The following ZNF782 variants were observed in gnomAD, a reference collection of about 807,000 sequenced individuals.
ZNF782 encodes the protein zinc finger protein 782.
ZNF782 carries 12 observed loss-of-function variants against 13.0 expected under a neutral mutation model. That is an observed-to-expected ratio of 0.92 (90% confidence interval 0.59 to 1.50). ZNF782 has a LOEUF of 1.50. Among genes scored for constraint, ZNF782 ranks in the 40% most tolerant of loss-of-function variants. The probability of loss-of-function intolerance (pLI) is 0.00; values close to 1 mark genes in which losing one functional copy is unlikely to be tolerated. For missense variants in ZNF782, 770 were observed against 822.9 expected (o/e 0.94, Z 0.79); for synonymous variants, 284 against 283.0 (o/e 1.00, Z -0.04).
chr9:96,917,694 T>C, the ZNF782 span, among the ~76,000 whole-genome samples: 644 of 151,526 alleles, frequency 4.3e-3, 7 homozygotes, highest in South Asian at 7.1e-3. Flanking sequence ...CCTCCCAAAG[T>C]GCTGGGATCA....
chr9:96,893,238 G>C, the ZNF782 span: 1 of 152,102 alleles, frequency 6.6e-6, no homozygotes, highest in East Asian at 1.9e-4. Context: ...TCTTTACTGG[G>C]GGATGGGCAG....
At chr9:96,880,380 G>A (rs1237153229), upstream of ZNF782, among the ~76,000 whole-genome samples, 1 of 152,188 alleles carries the variant, frequency 6.6e-6, no homozygotes, top group African/African-American at 2.4e-5. Context: ...GAAAAGCATT[G>A]AGACTTTAGC....
chr9:96,845,095 G>T (rs1851309195), intron 3 of ZNF782, 79 bp from the exon 4 acceptor site: 2 of 1,552,396 alleles, frequency 1.3e-6, no homozygotes, highest in African/African-American at 2.7e-5. Flanking sequence ...AACTCATTAT[G>T]TTTACTGTTG....
chr9:96,848,969 G>C (rs950072977), intron 3 of ZNF782, among the ~76,000 whole-genome samples: 1 of 152,072 alleles, frequency 6.6e-6, no homozygotes, highest in African/African-American at 2.4e-5. Context: ...CTGGTATAAA[G>C]GCAGGCACAC....
In ZNF782 at chr9:96,816,426, TAAAC is replaced by T. The variant is rs1287166465; in HGVS notation, c.*1493_*1496del. The T allele has an allele frequency of 6.6e-6, 1 of 152,222 alleles. No individual in the cohort carries two copies. Among genetic ancestry groups the T allele is most frequent in the Non-Finnish European group, 1.5e-5 (1 of 68,032 alleles). The allele number at this position is 152,222 out of a possible 1,614,324, so 9.4% of individuals were successfully genotyped here. ...TAAGTACCATGCATATATACATACA[TAAAC>T]AATCAATAACTCACAAAACATTCAC... On this transcript the variant is annotated 3_prime_UTR_variant, in exon 6 of 6. Transcript: ENST00000481138.
chr9:96,897,121 G>A, the ZNF782 span, among the ~76,000 whole-genome samples: 1 of 152,170 alleles, frequency 6.6e-6, no homozygotes, highest in East Asian at 1.9e-4. Context: ...CCTCTGTGTG[G>A]AGCCTGGGCC....
chr9:96,865,991 G>A (rs1851749690), intron 1 of ZNF782, among the ~76,000 whole-genome samples: 1 of 152,164 alleles, frequency 6.6e-6, no homozygotes, highest in African/African-American at 2.4e-5. Context: ...CTTGGGTGTT[G>A]CTAAAGGCAT....
chr9:96,884,545 C>T, the ZNF782 span, among the ~76,000 whole-genome samples: 1 of 152,176 alleles, frequency 6.6e-6, no homozygotes, highest in Non-Finnish European at 1.5e-5. Context: ...TCCACCTTTC[C>T]TACCTTCCCT....
the ZNF782 span, chr9:96,931,801 A>G: frequency 6.8e-6 from 11 of 1,611,078 alleles, no homozygotes; most frequent in East Asian, 2.5e-4. Context: ...CCTTTGCCAC[A>G]CCCTCTCCCG....
chr9:96,843,816 C>A (rs1851260422), intron 4 of ZNF782, among the ~76,000 whole-genome samples: 3 of 151,882 alleles, frequency 2.0e-5, no homozygotes, highest in Admixed American at 6.6e-5. Flanking sequence ...TGCAAAAAAT[C>A]AAAAACTGAA....
chr9:96,833,769 A>G (rs1850887311), intron 4 of ZNF782, among the ~76,000 whole-genome samples: 1 of 152,190 alleles, frequency 6.6e-6, no homozygotes, highest in Non-Finnish European at 1.5e-5. Context: ...GTAACTACAT[A>G]AATTATTAGG....
chr9:96,909,676 C>T, the ZNF782 span, among the ~76,000 whole-genome samples: 1 of 151,922 alleles, frequency 6.6e-6, no homozygotes, highest in Non-Finnish European at 1.5e-5. Flanking sequence ...AAAGTTTATA[C>T]TGACTAAATA....
chr9:96,819,466 G>A lies in ZNF782; in HGVS notation c.557C>T (p.Ser186Phe). The A allele has an allele frequency of 6.2e-7, 1 of 1,613,992 alleles. No individual in the cohort carries two copies. The highest frequency in any genetic ancestry group is 8.5e-7 in the Non-Finnish European group (1 of 1,180,004). The change falls in exon 6 of 6, where the codon TCT becomes TTT. Residue 186 changes from serine to phenylalanine, a missense_variant. Physicochemically the swap from Ser to Phe is radical, Grantham distance 155. Coordinates refer to ENST00000481138, the MANE Select transcript of ZNF782 (RefSeq NM_001001662.3). ...TTTCACAATTTTACTATAAGCGAAA[G>A]ATTTCTCTTGAGTGTTAGTTCTGCC... ...KDGRTNTQEKSFAYSKIVKTL... is the reference protein window; with the variant it reads ...KDGRTNTQEKFFAYSKIVKTL...
In ZNF782 at chr9:96,818,269, G is replaced by C. The variant is rs1349760502; in HGVS notation, c.1754C>G (p.Thr585Ser). Residue 585 changes from threonine (T) to serine (S), a missense_variant, in exon 6 of 6, where the codon ACT (threonine) becomes AGT (serine). Coordinates refer to ENST00000481138, the MANE Select transcript of ZNF782 (RefSeq NM_001001662.3). The part of the protein sequence containing the change: ...SNLRVHHRTH[T>S]GEKPYQCEEC... ...CTCACATTGATAGGGTTTCTCCCCA[G>C]TATGAGTTCTGTGATGTACTCTGAG... is the stretch of plus-strand genomic sequence containing the variant. 1 of 1,613,958 alleles carries C rather than the reference G, an allele frequency of 6.2e-7. No individual in the cohort carries two copies. Among genetic ancestry groups the C allele is most frequent in the East Asian group, 2.2e-5 (1 of 44,858 alleles).
chr9:96,856,064 T>C (rs142076054), upstream of ZNF782, among the ~76,000 whole-genome samples: 2 of 152,360 alleles, frequency 1.3e-5, no homozygotes, highest in African/African-American at 4.8e-5. Flanking sequence ...TCTATTCATG[T>C]CCTTAGCCCA....
At chr9:96,857,874 A>T (rs1346038360), upstream of ZNF782, among the ~76,000 whole-genome samples, 1 of 152,250 alleles carries the variant, frequency 6.6e-6, no homozygotes, top group African/African-American at 2.4e-5. Flanking sequence ...TTCATTGTTC[A>T]TTGGTAGGTC....
chr9:96,877,827 CA>C (rs1166030132), upstream of ZNF782, among the ~76,000 whole-genome samples: 8 of 151,906 alleles, frequency 5.3e-5, no homozygotes, highest in South Asian at 8.3e-4. Flanking sequence ...GGGGGAAGGA[CA>C]AAAAAATATA....
At chr9:96,894,777 G>A in the ZNF782 span, 2 of 152,094 alleles carry the variant, frequency 1.3e-5, no homozygotes, top group Admixed American at 6.5e-5. Context: ...GCCCAGGCTG[G>A]AGTGCAGTGG....
At chr9:96,905,408 A>G in the ZNF782 span, among the ~76,000 whole-genome samples, 2 of 151,850 alleles carry the variant, frequency 1.3e-5, no homozygotes, top group African/African-American at 4.9e-5. Context: ...TATATGGTCT[A>G]AAAAAGGGAG....
Sources: gnomAD v4.1 joint callset for allele counts (sites outside exome capture counted in the v4.1 genomes callset) on GRCh38, gnomAD v4.1.1 for gene constraint, MANE v1.5 for transcripts, NCBI Gene and HGNC (gene_info 2026-07-23, HGNC 2026-07-21) for gene names.